AGAP3: variants seen among roughly 807,000 people sequenced by gnomAD.
AGAP3 encodes the protein arf-GAP with GTPase, ANK repeat and PH domain-containing protein 3.
In AGAP3, 24 loss-of-function variants were observed where a neutral mutation model predicts 96.9. That is an observed-to-expected ratio of 0.25 (90% CI 0.18 to 0.35). AGAP3 has a LOEUF of 0.35. Among genes scored for constraint, AGAP3 ranks in the 10% least tolerant of loss-of-function variants. The pLI, the probability that AGAP3 is intolerant of heterozygous loss-of-function variation, is 1.00. For missense variants in AGAP3, 876 were observed against 1,254.2 expected (o/e 0.70, Z 4.55); for synonymous variants, 563 against 536.1 (o/e 1.05, Z -0.69).
At chr7:151,116,918 C>T in intron 2 of AGAP3, 67 bp downstream of exon 2, 3 of 1,594,956 alleles carry the variant, frequency 1.9e-6, no homozygotes, top group East Asian at 2.2e-5. Flanking sequence ...TGCCGCGGGC[C>T]TGGGCCTTGC....
intron 1 of AGAP3, among the ~76,000 whole-genome samples, chr7:151,101,021 C>G (rs567425912): frequency 9.3e-4 from 142 of 152,308 alleles, no homozygotes; most frequent in African/African-American, 3.2e-3. Flanking sequence ...CCTTCAGGTC[C>G]CCCATGGCCT....
In AGAP3 at chr7:151,118,092, C is replaced by T. The variant is rs753937733; in HGVS notation, c.707-118C>T. 6.6e-5 allele frequency: 90 copies of T among 1,367,612 alleles called. No homozygotes were observed. Among genetic ancestry groups the T allele is most frequent in the Middle Eastern group, 1.9e-4 (1 of 5,266 alleles). 84.7% of individuals were successfully genotyped at this position (1,367,612 alleles called of 1,614,324 possible). A position where few individuals can be genotyped will look rare whatever the true frequency, so the allele number is the denominator to read the frequency against. On this transcript the variant is annotated intron_variant, in intron 5 of 17. Transcript: ENST00000397238. The surrounding 1 kb of genome is among the most constrained non-coding windows in gnomAD (Gnocchi z 6.1). Reference sequence around the variant, plus strand: ...GACCCAGGCACCCGCGTTCTTGGTGCTCTGTGTGTTCCACTCACCAGGCCC... The same window carrying T: ...GACCCAGGCACCCGCGTTCTTGGTGTTCTGTGTGTTCCACTCACCAGGCCC...
chr7:151,122,693 T>A, intron 8 of AGAP3: 1 of 1,613,336 alleles, frequency 6.2e-7, no homozygotes, highest in Non-Finnish European at 8.5e-7. Context: ...GAGTATAACT[T>A]GCCAAAATCT....
intron 12 of AGAP3, among the ~76,000 whole-genome samples, chr7:151,138,684 G>A (rs1347003514): frequency 6.6e-6 from 1 of 152,216 alleles, no homozygotes; most frequent in African/African-American, 2.4e-5. Flanking sequence ...AGCCCCCCGC[G>A]CAGTTAGCTC....
rs375147256 is a variant in AGAP3, at chr7:151,101,525, C to T, written c.331+14453C>T. On this transcript the variant is annotated intron_variant, in intron 1 of 17. Transcript: ENST00000397238. ...AGGCTGGTGGGGCATTGAGTGCCCT[C>T]GAGGGGTGGAAGCCAGGACTCAGGA... is the stretch of plus-strand genomic sequence containing the variant. Among the ~76,000 whole-genome samples, 65 of 152,100 alleles carry T rather than the reference C, an allele frequency of 4.3e-4. 1 individual carries two copies. Among genetic ancestry groups the T allele is most frequent in the Admixed American group, 7.2e-4 (11 of 15,270 alleles).
At chr7:151,095,893 C>T (rs1275549390) in intron 1 of AGAP3, among the ~76,000 whole-genome samples, 1 of 151,670 alleles carries the variant, frequency 6.6e-6, no homozygotes, top group Non-Finnish European at 1.5e-5. Context: ...GAAGCCTGGC[C>T]TTCATTTCTT....
chr7:151,111,393 A>C lies in AGAP3; in HGVS notation c.332-5400A>C, dbSNP rs549113021. Among the ~76,000 whole-genome samples the C allele has an allele frequency of 5.9e-5, 9 of 152,304 alleles. 1 individual carries two copies. In the South Asian group the frequency reaches 1.9e-3, roughly 32 times the overall value. On this transcript the variant is annotated intron_variant, in intron 1 of 17. Coordinates refer to ENST00000397238, the MANE Select transcript of AGAP3 (RefSeq NM_031946.7). ...ATCCTCCCTCATCTCCTCGAAAGAA[A>C]TCTGCCAACTCCCTGTGGGCCACGT...
intron 8 of AGAP3, 27 bp from the exon 9 acceptor site, chr7:151,123,767 T>C: frequency 6.2e-7 from 1 of 1,612,596 alleles, no homozygotes. Flanking sequence ...TGGGCCTCTT[T>C]AACACGCCTC....
chr7:151,123,799 G>A lies in AGAP3; in HGVS notation c.1134G>A (p.Arg378=). 6.2e-7 allele frequency: 1 copy of A among 1,613,248 alleles called. No individual in the cohort carries two copies. The part of the protein sequence containing the change: ...SKRRSNIFTS[R]KGADLDREKK... ...CCTCTTGTTTTCTCTTCCAGTCTCG[G>A]AAGGGTGCTGACCTGGACCGGGAGA... Residue 378 remains arginine (R), a synonymous_variant, in exon 9 of 18, where the codon CGG becomes CGA. Transcript: ENST00000397238.
chr7:151,101,161 C>T (rs1585046364), intron 1 of AGAP3, among the ~76,000 whole-genome samples: 1 of 152,248 alleles, frequency 6.6e-6, no homozygotes, highest in South Asian at 2.1e-4. Context: ...CCCAGCCCAG[C>T]ACCAGGCCCG....
rs199501709 is a variant in AGAP3, at chr7:151,142,217, C to T, written c.2014C>T (p.Arg672Cys). ...GGCTGTGCAGGCCGTCCGCACCGTC[C>T]GCGGCAACAGCTTTTGTATCGACTG... ...ALAVQAVRTV[R>C]GNSFCIDCDA... Residue 672 changes from arginine to cysteine, a missense_variant, in exon 15 of 18, where the codon CGC (arginine) becomes TGC (cysteine). Around this residue, in one of 8 missense-constraint regions of AGAP3, gnomAD observed 103 missense variants for 183.0 expected, o/e 0.56. Transcript: ENST00000397238. The surrounding 1 kb of genome is among the most constrained non-coding windows in gnomAD (Gnocchi z 7.5). The T allele has an allele frequency of 2.5e-6, 4 of 1,613,624 alleles. No homozygotes were observed. The highest frequency in any genetic ancestry group is 1.3e-5 in the African/African-American group (1 of 75,050).
chr7:151,135,443 C>T (rs1800555605), intron 11 of AGAP3, among the ~76,000 whole-genome samples: 1 of 152,238 alleles, frequency 6.6e-6, no homozygotes, highest in South Asian at 2.1e-4. Context: ...GAGGATGTGA[C>T]AGACTTAGTG....
rs766050123 is a variant in AGAP3 at position 151,143,434 on chromosome 7, G to A, written c.2367G>A (p.Leu789=). ...PSSDVPLGQQ[L]LRAVVEDDLR... is the part of the protein sequence containing the mutation. ...CAGATGTGCCACTGGGGCAGCAGCT[G>A]CTCCGGGCCGTGGTGGAAGATGACC... The change falls in exon 17 of 18, where the codon CTG becomes CTA. Residue 789 remains leucine, a synonymous_variant. Coordinates refer to ENST00000397238, the MANE Select transcript of AGAP3 (RefSeq NM_031946.7). The surrounding 1 kb of genome is among the most constrained non-coding windows in gnomAD (Gnocchi z 5.9). The A allele has an allele frequency of 5.0e-6, 8 of 1,614,226 alleles. No homozygotes were observed. Among genetic ancestry groups the A allele is most frequent in the South Asian group, 1.1e-5 (1 of 91,088 alleles).
In AGAP3 at chr7:151,139,514, G is replaced by A. The variant is rs994926707; in HGVS notation, c.1667-465G>A. ...CTCTAATGAAGTTTGACATTTAGTG[G>A]TGAGCGCCGGGCGGGGTGTGGGAGA... On this transcript the variant is annotated intron_variant, in intron 12 of 17. Transcript: ENST00000397238. The surrounding 1 kb of genome is among the most constrained non-coding windows in gnomAD (Gnocchi z 4.9). 13 of 152,840 alleles carry A rather than the reference G, an allele frequency of 8.5e-5. No individual in the cohort carries two copies. Among genetic ancestry groups the A allele is most frequent in the Non-Finnish European group, 1.5e-4 (10 of 68,454 alleles). The allele number at this position is 152,840 out of a possible 1,614,324, so 9.5% of individuals were successfully genotyped here.
At position 151,102,291 on chromosome 7, in the gene AGAP3, G is replaced by A. The variant is rs188645417; in HGVS notation, c.332-14502G>A. Among the ~76,000 whole-genome samples the A allele has an allele frequency of 5.3e-3, 807 of 152,326 alleles. 5 individuals are homozygous for A. The highest frequency in any genetic ancestry group is 8.6e-3 in the Non-Finnish European group (584 of 68,030). On this transcript the variant is annotated intron_variant, in intron 1 of 17. Coordinates refer to ENST00000397238, the MANE Select transcript of AGAP3 (RefSeq NM_031946.7). ...TACTGCTAGACATGGCTTCACCGCA[G>A]TAGTGCTTTTATTATTAAAATCACT...
intron 1 of AGAP3, chr7:151,116,578 T>A: frequency 1.7e-6 from 1 of 585,744 alleles, no homozygotes; most frequent in South Asian, 2.1e-5. Context: ...GCCCTCAGAG[T>A]CCTGTTCTGA....
intron 10 of AGAP3, among the ~76,000 whole-genome samples, chr7:151,130,392 G>C (rs943809243): frequency 6.6e-6 from 1 of 152,142 alleles, no homozygotes; most frequent in African/African-American, 2.4e-5. Context: ...AGAGTCACCC[G>C]GCTGGTGGCT....
At position 151,114,935 on chromosome 7, in the gene AGAP3, G is replaced by A. The variant is rs1262465737; in HGVS notation, c.332-1858G>A. 3.4e-5 allele frequency: 34 copies of A among 985,698 alleles called. No homozygotes were observed. The highest frequency in any genetic ancestry group is 3.6e-5 in the Non-Finnish European group (30 of 832,330). 61.1% of individuals were successfully genotyped at this position (985,698 alleles called of 1,614,324 possible). A position where few individuals can be genotyped will look rare whatever the true frequency, so the allele number is the denominator to read the frequency against. On this transcript the variant is annotated intron_variant, in intron 1 of 17. Transcript: ENST00000397238. The surrounding 1 kb of genome is among the most constrained non-coding windows in gnomAD (Gnocchi z 4.4). ...TCTGCGCCGCCAGTGAGCAGCCGGCGCGGCCGCGGAGCGTGTGCTCGGGCG... is the reference window on the plus strand; with the variant it reads ...TCTGCGCCGCCAGTGAGCAGCCGGCACGGCCGCGGAGCGTGTGCTCGGGCG...
rs533779369 is a variant in AGAP3, at chr7:151,098,738, T to C, written c.331+11666T>C. ...CTTTGATTCAATTTTCTTTTCTTTT[T>C]TTTTTTTTTTTTTTGAGACAGTCTT... On this transcript the variant is annotated intron_variant, in intron 1 of 17. Coordinates refer to ENST00000397238, the MANE Select transcript of AGAP3 (RefSeq NM_031946.7). Among the ~76,000 whole-genome samples, 69 of 148,396 alleles carry C rather than the reference T, an allele frequency of 4.6e-4. 3 individuals carry two copies. In the South Asian group the frequency reaches 0.013, roughly 29 times the overall value.
Sources: allele counts gnomAD v4.1 joint callset (sites outside exome capture counted in the v4.1 genomes callset), GRCh38; gene constraint gnomAD v4.1.1; regional missense constraint gnomAD v4.1.1; non-coding constraint Gnocchi (gnomAD v3.1); transcripts MANE v1.5; gene names NCBI Gene and HGNC (gene_info 2026-07-23, HGNC 2026-07-21).